The following LIMS1 variants were observed in gnomAD, a reference collection of about 807,000 sequenced individuals.
LIMS1 encodes the protein LIM and senescent cell antigen-like-containing domain protein 1.
In LIMS1, 18 loss-of-function variants were observed where a neutral mutation model predicts 44.1. The ratio of observed to expected loss-of-function variants is 0.41; its 90% CI spans 0.28 to 0.61. The LOEUF (loss-of-function observed/expected upper bound fraction) is 0.61, where lower values mean the gene tolerates loss of function less well. LIMS1 is among the 20% of genes least tolerant of loss of function. The pLI is 0.32. For missense variants in LIMS1, 201 were observed against 422.0 expected (o/e 0.48, Z 4.59); for synonymous variants, 93 against 149.1 (o/e 0.62, Z 2.74).
At chr2:108,562,266 T>A (rs558835715) in intron 1 of LIMS1, among the ~76,000 whole-genome samples, 1 of 152,166 alleles carries the variant, frequency 6.6e-6, no homozygotes, top group Admixed American at 6.5e-5. Context: ...ATCTTTTAAG[T>A]GTTACAGTGA....
chr2:108,545,514 C>T lies in LIMS1; in HGVS notation c.32+10920C>T, dbSNP rs544497495. 1.8e-4 allele frequency among the ~76,000 whole-genome samples: 28 copies of T among 152,364 alleles called. 1 individual carries two copies. The highest frequency in any genetic ancestry group is 7.2e-4 in the Admixed American group (11 of 15,306). ...TCGGCTTCCCAAAGTGCAGGGATTA[C>T]AGGCCTGAGTCACCGTGCCGGTGCA... On this transcript the variant is annotated intron_variant, in intron 1 of 9. Coordinates refer to ENST00000544547, the Ensembl canonical transcript of LIMS1.
At chr2:108,605,400 C>T (rs1472248862) in intron 1 of LIMS1, among the ~76,000 whole-genome samples, 1 of 152,082 alleles carries the variant, frequency 6.6e-6, no homozygotes, top group Non-Finnish European at 1.5e-5. Flanking sequence ...TAAAATTAAC[C>T]CAAGGTGGTT....
intron 1 of LIMS1, among the ~76,000 whole-genome samples, chr2:108,573,830 T>C (rs955304430): frequency 6.6e-6 from 1 of 152,154 alleles, no homozygotes; most frequent in Non-Finnish European, 1.5e-5. Context: ...ATCTTGGAAG[T>C]CTTCTCTGAG....
At chr2:108,679,325 A>G (rs1346272617) in intron 8 of LIMS1, among the ~76,000 whole-genome samples, 1 of 151,912 alleles carries the variant, frequency 6.6e-6, no homozygotes, top group South Asian at 2.1e-4. Flanking sequence ...CTAAAAATAC[A>G]AAAACTTAGC....
chr2:108,639,119 C>T (rs994841896), intron 1 of LIMS1, among the ~76,000 whole-genome samples: 1 of 152,104 alleles, frequency 6.6e-6, no homozygotes, highest in African/African-American at 2.4e-5. Flanking sequence ...ATACAGAACA[C>T]AACATTATAT....
chr2:108,590,686 T>C (rs954798241), intron 1 of LIMS1, among the ~76,000 whole-genome samples: 2 of 152,180 alleles, frequency 1.3e-5, no homozygotes, highest in African/African-American at 2.4e-5. Flanking sequence ...CTAGGCACAG[T>C]TGGCAACAGC....
chr2:108,634,107 G>A (rs1001525138), intron 1 of LIMS1, among the ~76,000 whole-genome samples: 4 of 152,242 alleles, frequency 2.6e-5, no homozygotes, highest in Non-Finnish European at 4.4e-5. Flanking sequence ...TACAAGGGTA[G>A]AGAGGGAGGA....
chr2:108,597,812 C>A (rs573191151), intron 1 of LIMS1, among the ~76,000 whole-genome samples: 138 of 151,652 alleles, frequency 9.1e-4, no homozygotes, highest in Non-Finnish European at 1.7e-3. Context: ...CCTGCCTCAG[C>A]CTCCCGAATA....
intron 1 of LIMS1, among the ~76,000 whole-genome samples, chr2:108,644,040 G>A (rs915786591): frequency 3.9e-5 from 6 of 152,142 alleles, no homozygotes; most frequent in African/African-American, 7.2e-5. Context: ...AGATAAAACC[G>A]TCACCTCCCG....
At chr2:108,657,549 C>A (rs1690976956) in intron 1 of LIMS1, among the ~76,000 whole-genome samples, 1 of 152,274 alleles carries the variant, frequency 6.6e-6, no homozygotes, top group Non-Finnish European at 1.5e-5. Flanking sequence ...GAAGCACAAA[C>A]CCCTCCAGAG....
chr2:108,547,687 T>C (rs918220267), intron 1 of LIMS1, among the ~76,000 whole-genome samples: 9 of 152,236 alleles, frequency 5.9e-5, no homozygotes, highest in Admixed American at 2.6e-4. Context: ...AAAACAATTA[T>C]TCATTCTCCA....
rs545704779 is a variant in LIMS1, at chr2:108,543,171, C to T, written c.32+8577C>T. On this transcript the variant is annotated intron_variant, in intron 1 of 9. Coordinates refer to ENST00000544547, the Ensembl canonical transcript of LIMS1. ...TTTCACTGGGCATGGTGGCTCACAC[C>T]TGTAATCTCAGCACTTTGGGAGGCT... is the stretch of plus-strand genomic sequence containing the variant. 5.3e-5 allele frequency among the ~76,000 whole-genome samples: 8 copies of T among 152,292 alleles called. No homozygotes were observed. The East Asian group carries it at 1.5e-3, about 29-fold the overall frequency.
chr2:108,553,206 TTC>T (rs1178018063), intron 1 of LIMS1, among the ~76,000 whole-genome samples: 3 of 152,210 alleles, frequency 2.0e-5, no homozygotes, highest in Non-Finnish European at 2.9e-5. Context: ...CAAGGTTTCC[TTC>T]TCTCACTGCC....
At chr2:108,667,635 A>G (rs780476923) in intron 2 of LIMS1, among the ~76,000 whole-genome samples, 1 of 150,990 alleles carries the variant, frequency 6.6e-6, no homozygotes, top group Admixed American at 6.6e-5. Context: ...AATACAGAAT[A>G]AAAGTTGATC....
chr2:108,575,081 C>T (rs1440180683), intron 1 of LIMS1, among the ~76,000 whole-genome samples: 1 of 152,160 alleles, frequency 6.6e-6, no homozygotes, highest in Non-Finnish European at 1.5e-5. Context: ...GTATTACCTG[C>T]TGTTTCTCAT....
chr2:108,579,693 TC>T (rs1558795139), intron 1 of LIMS1, among the ~76,000 whole-genome samples: 1 of 152,250 alleles, frequency 6.6e-6, no homozygotes, highest in Non-Finnish European at 1.5e-5. Context: ...TTGACAGTAT[TC>T]ACAGCGAGCC....
chr2:108,662,044 G>A (rs12619855), intron 2 of LIMS1, among the ~76,000 whole-genome samples: 54,960 of 151,916 alleles, frequency 0.36, 11,832 homozygotes, highest in East Asian at 0.88. Flanking sequence ...ATTGAAATGG[G>A]CAATTATGAC....
At chr2:108,647,420 A>G (rs1004563781) in intron 1 of LIMS1, among the ~76,000 whole-genome samples, 2 of 152,238 alleles carry the variant, frequency 1.3e-5, no homozygotes, top group African/African-American at 4.8e-5. Context: ...TTCTGAAACT[A>G]TTCCAAACAA....
At chr2:108,566,937 G>A (rs923789860) in intron 1 of LIMS1, among the ~76,000 whole-genome samples, 9 of 152,078 alleles carry the variant, frequency 5.9e-5, no homozygotes, top group Admixed American at 1.3e-4. Flanking sequence ...GTGGTGTTAA[G>A]TATGTTTATA....
Sources: allele counts gnomAD v4.1 joint callset (sites outside exome capture counted in the v4.1 genomes callset), GRCh38; gene constraint gnomAD v4.1.1; transcripts MANE v1.5; gene names NCBI Gene and HGNC (gene_info 2026-07-23, HGNC 2026-07-21).